Variants in GPC6 observed in about 807,000 individuals in gnomAD.
GPC6 encodes glypican-6.
Under a neutral mutation model 55.2 loss-of-function variants are expected in GPC6, and 14 were observed. That is an observed-to-expected ratio of 0.25 (90% CI 0.17 to 0.40). GPC6 has a LOEUF of 0.40. GPC6 is among the 10% of genes least tolerant of loss of function. GPC6 has a pLI of 1.00. For missense variants in GPC6, 641 were observed against 708.5 expected (o/e 0.90, Z 1.08); for synonymous variants, 278 against 259.6 (o/e 1.07, Z -0.68).
intron 2 of GPC6, among the ~76,000 whole-genome samples, chr13:93,600,949 CAAAA>C (rs1196219049): frequency 7.4e-5 from 2 of 27,010 alleles, no homozygotes; most frequent in Admixed American, 3.7e-4. Context: ...AATTCCGCCT[CAAAA>C]AAAAAAAAAA....
At chr13:93,785,957 A>G (rs1885803465) in intron 2 of GPC6, among the ~76,000 whole-genome samples, 1 of 152,148 alleles carries the variant, frequency 6.6e-6, no homozygotes, top group South Asian at 2.1e-4. Context: ...CCCTGTCTCA[A>G]AAAAGAAAGA....
intron 3 of GPC6, among the ~76,000 whole-genome samples, chr13:93,956,782 A>C (rs9524283): frequency 2.2e-4 from 34 of 152,164 alleles, no homozygotes; most frequent in Non-Finnish European, 3.8e-4. Flanking sequence ...ATTTATCTGC[A>C]TTTCATTGAC....
chr13:94,096,735 C>CA (rs71126432), intron 4 of GPC6, among the ~76,000 whole-genome samples: 48,176 of 152,026 alleles, frequency 0.32, 9,030 homozygotes, highest in Middle Eastern at 0.45. Flanking sequence ...TATAGGCAAA[C>CA]AGAATATTCA....
chr13:93,792,244 A>T (rs1886062234), intron 2 of GPC6, among the ~76,000 whole-genome samples: 1 of 152,212 alleles, frequency 6.6e-6, no homozygotes. Flanking sequence ...TCTAATTTCT[A>T]ACTCTAAGGT....
chr13:93,627,342 T>C (rs934937146), intron 2 of GPC6, among the ~76,000 whole-genome samples: 24 of 152,278 alleles, frequency 1.6e-4, no homozygotes, highest in Middle Eastern at 3.4e-3. Flanking sequence ...CTCATCCTTT[T>C]TTATGGCTGC....
intron 1 of GPC6, among the ~76,000 whole-genome samples, chr13:93,447,982 G>GT (rs1427799870): frequency 1.3e-5 from 2 of 152,106 alleles, no homozygotes; most frequent in East Asian, 1.9e-4. Context: ...TAGATGTCAA[G>GT]TTTTTTTCCC....
chr13:93,937,660 C>G (rs890167050), intron 3 of GPC6, among the ~76,000 whole-genome samples: 8 of 152,110 alleles, frequency 5.3e-5, no homozygotes, highest in Non-Finnish European at 1.2e-4. Flanking sequence ...CTCACTGCAA[C>G]CTCTGCCTCC....
chr13:93,253,602 G>A (rs1338555916), intron 1 of GPC6, among the ~76,000 whole-genome samples: 1 of 152,080 alleles, frequency 6.6e-6, no homozygotes, highest in African/African-American at 2.4e-5. Flanking sequence ...ATGGCTGGGA[G>A]GTGGGGGATG....
At chr13:93,717,032 G>A (rs1883275882) in intron 2 of GPC6, among the ~76,000 whole-genome samples, 1 of 151,524 alleles carries the variant, frequency 6.6e-6, no homozygotes, top group Non-Finnish European at 1.5e-5. Flanking sequence ...TAGGTGTGTA[G>A]TAGGCTACAC....
At chr13:94,402,941 A>G (rs527706071) in intron 8 of GPC6, 74 bp from the exon 9 acceptor site, 1 of 1,053,964 alleles carries the variant, frequency 9.5e-7, no homozygotes, top group African/African-American at 1.5e-5. Context: ...ACAATTCAAG[A>G]TGAGATTTGG....
intron 1 of GPC6, among the ~76,000 whole-genome samples, chr13:93,379,988 G>T (rs962060957): frequency 4.7e-5 from 7 of 147,884 alleles, no homozygotes. Context: ...AGCCCTGCAA[G>T]TTTCTCTTTG....
intron 4 of GPC6, among the ~76,000 whole-genome samples, chr13:94,202,106 T>C (rs1432769670): frequency 1.3e-5 from 2 of 152,190 alleles, no homozygotes; most frequent in Non-Finnish European, 2.9e-5. Flanking sequence ...TGAATTAATG[T>C]CCTATCTTTA....
chr13:93,840,559 T>C (rs1187393860), intron 3 of GPC6, among the ~76,000 whole-genome samples: 2 of 80,856 alleles, frequency 2.5e-5, no homozygotes, highest in Admixed American at 1.5e-4. Flanking sequence ...TTTGTTGATA[T>C]GTTGGGTTTA....
intron 3 of GPC6, among the ~76,000 whole-genome samples, chr13:93,910,883 C>A (rs75590250): frequency 0.021 from 3,224 of 152,194 alleles, 102 homozygotes; most frequent in African/African-American, 0.073. Flanking sequence ...TCAAAGGAAC[C>A]CCCATAGTAC....
At chr13:94,269,209 A>T (rs1436907662) in intron 4 of GPC6, among the ~76,000 whole-genome samples, 2 of 152,152 alleles carry the variant, frequency 1.3e-5, no homozygotes, top group African/African-American at 2.4e-5. Flanking sequence ...TGACTATGTG[A>T]TGAGCCTATA....
chr13:93,365,209 C>T (rs1194861953), intron 1 of GPC6, among the ~76,000 whole-genome samples: 1 of 152,058 alleles, frequency 6.6e-6, no homozygotes, highest in Non-Finnish European at 1.5e-5. Flanking sequence ...CGTGACTTGT[C>T]TTCCACTCTC....
rs949517588 is a variant in GPC6 at position 93,746,240 on chromosome 13, A to T, written c.320-83914A>T. ...TTGTAGGTGTCACAATGCGAAGGTC[A>T]GTGGTGAGGCAGGAAGTGCCAGTAC... On this transcript the variant is annotated intron_variant, in intron 2 of 8. Coordinates refer to ENST00000377047, the MANE Select transcript of GPC6 (RefSeq NM_005708.5). Among the ~76,000 whole-genome samples, 88 of 152,224 alleles carry T rather than the reference A, an allele frequency of 5.8e-4. 2 individuals are homozygous for T. Among genetic ancestry groups the T allele is most frequent in the Admixed American group, 5.8e-3 (88 of 15,274 alleles).
rs181202728 is a variant in GPC6 at position 94,304,455 on chromosome 13, A to G, written c.1009-1525A>G. Among the ~76,000 whole-genome samples the G allele has an allele frequency of 1.6e-4, 24 of 152,348 alleles. No homozygotes were observed. The East Asian group carries it at 4.6e-3, about 29-fold the overall frequency. On this transcript the variant is annotated intron_variant, in intron 5 of 8. Transcript: ENST00000377047. ...TTTAGAGTTAGACAACACAGAATGA[A>G]ATAACAAAACTGGAACGAATGCGTT...
At chr13:93,487,331 C>T (rs1879763770) in intron 1 of GPC6, among the ~76,000 whole-genome samples, 1 of 152,164 alleles carries the variant, frequency 6.6e-6, no homozygotes, top group Non-Finnish European at 1.5e-5. Context: ...TACCCAGGTA[C>T]TAAGCCTAGT....
Sources: gnomAD v4.1 joint callset for allele counts (sites outside exome capture counted in the v4.1 genomes callset) on GRCh38, gnomAD v4.1.1 for gene constraint, MANE v1.5 for transcripts, NCBI Gene and HGNC (gene_info 2026-07-23, HGNC 2026-07-21) for gene names.